Variants in ELP4 observed in about 807,000 individuals in gnomAD.
ELP4 encodes the protein elongator acetyltransferase complex subunit 4, also known as elongator complex protein 4.
Under a neutral mutation model 48.9 loss-of-function variants are expected in ELP4, and 51 were observed. The ratio of observed to expected loss-of-function variants is 1.04; its 90% CI spans 0.83 to 1.32. The LOEUF (loss-of-function observed/expected upper bound fraction) is 1.32, where lower values mean the gene tolerates loss of function less well. Among genes scored for constraint, ELP4 ranks in the 40% most tolerant of loss-of-function variants. ELP4 has a pLI of 0.00. For synonymous variants in ELP4, 210 were observed against 189.2 expected, an observed-to-expected ratio of 1.11 and a Z score of -0.90; for missense variants, 519 against 514.6, an observed-to-expected ratio of 1.01 and a Z score of -0.08.
intron 9 of ELP4, among the ~76,000 whole-genome samples, chr11:31,730,030 G>A (rs1033728244): frequency 5.9e-5 from 9 of 152,140 alleles, no homozygotes; most frequent in African/African-American, 1.9e-4. Flanking sequence ...ACATAGACCA[G>A]TTCCCTTTGT....
intron 3 of ELP4, among the ~76,000 whole-genome samples, chr11:31,541,063 T>C (rs1956583153): frequency 6.6e-6 from 1 of 152,240 alleles, no homozygotes; most frequent in African/African-American, 2.4e-5. Context: ...TTCCATAGGA[T>C]ATTTTAATTT....
intron 3 of ELP4, among the ~76,000 whole-genome samples, chr11:31,543,299 T>TTTG (rs900296609): frequency 1.2e-4 from 19 of 152,020 alleles, no homozygotes; most frequent in Non-Finnish European, 2.4e-4. Flanking sequence ...AACTCCAAGT[T>TTTG]TTGTTGTTGT....
At chr11:31,521,653 A>G (rs1458332283) in intron 2 of ELP4, among the ~76,000 whole-genome samples, 1 of 152,146 alleles carries the variant, frequency 6.6e-6, no homozygotes, top group African/African-American at 2.4e-5. Context: ...TTCATGCACA[A>G]TAAGGATCAA....
intron 1 of ELP4, chr11:31,512,218 A>G (rs1185837402): frequency 6.6e-6 from 1 of 152,216 alleles, no homozygotes; most frequent in Non-Finnish European, 1.5e-5. Context: ...TTAGAACGGT[A>G]AAACTATACT....
At chr11:31,563,735 CTTTTTG>C (rs1427048979) in intron 3 of ELP4, among the ~76,000 whole-genome samples, 10 of 152,158 alleles carry the variant, frequency 6.6e-5, no homozygotes, top group Non-Finnish European at 1.3e-4. Context: ...ATGGAGTCTG[CTTTTTG>C]TTTTTATTTA....
At chr11:31,556,800 G>A (rs1449023731) in intron 3 of ELP4, among the ~76,000 whole-genome samples, 1 of 151,830 alleles carries the variant, frequency 6.6e-6, no homozygotes, top group East Asian at 1.9e-4. Flanking sequence ...TAGGAGGCTA[G>A]GGTGCTTTAA....
chr11:31,554,707 G>T (rs559037139), intron 3 of ELP4, among the ~76,000 whole-genome samples: 1 of 152,042 alleles, frequency 6.6e-6, no homozygotes, highest in Non-Finnish European at 1.5e-5. Flanking sequence ...AAGTTTTATA[G>T]CCTTTGACAA....
chr11:31,734,867 T>G (rs2134207564), intron 9 of ELP4, among the ~76,000 whole-genome samples: 1 of 152,186 alleles, frequency 6.6e-6, no homozygotes, highest in Non-Finnish European at 1.5e-5. Flanking sequence ...AATCTAAAAT[T>G]CATATGGAAT....
chr11:31,610,254 G>C (rs922286818), intron 5 of ELP4, among the ~76,000 whole-genome samples: 1 of 152,218 alleles, frequency 6.6e-6, no homozygotes, highest in Non-Finnish European at 1.5e-5. Flanking sequence ...TTAGCTGCTA[G>C]TGATACAATT....
Position 31,790,285 on chromosome 11 carries a change from G to C in ELP4, c.*6761G>C. ...GAAAAAAAAAATCCTCTGTTTGTTT[G>C]CATGTTTGGAACTTTTACAATAAAG... On this transcript the variant is annotated 3_prime_UTR_variant, in exon 10 of 10. Transcript: ENST00000640961. 1.8e-6 allele frequency: 1 copy of C among 564,078 alleles called. No individual in the cohort carries two copies. Among genetic ancestry groups the C allele is most frequent in the Admixed American group, 3.9e-5 (1 of 25,356 alleles). The allele number at this position is 564,078 out of a possible 1,614,324, so 34.9% of individuals were successfully genotyped here.
chr11:31,763,460 G>T (rs1249669075), intron 9 of ELP4: 1 of 1,610,240 alleles, frequency 6.2e-7, no homozygotes, highest in Non-Finnish European at 8.5e-7. Flanking sequence ...TATCCTCCAG[G>T]CTTCTCATAC....
At chr11:31,623,377 AT>A (rs1565084193) in intron 5 of ELP4, among the ~76,000 whole-genome samples, 13 of 115,926 alleles carry the variant, frequency 1.1e-4, no homozygotes, top group South Asian at 6.0e-4. Flanking sequence ...ATATATATAT[AT>A]ATATATATAT....
intron 9 of ELP4, among the ~76,000 whole-genome samples, chr11:31,738,025 G>A (rs2134213283): frequency 6.6e-6 from 1 of 152,114 alleles, no homozygotes; most frequent in South Asian, 2.1e-4. Flanking sequence ...ATAGCCAAGA[G>A]GTGAGAGGAA....
Position 31,787,547 on chromosome 11 carries a change from C to T in ELP4, c.*4023C>T. On this transcript the variant is annotated 3_prime_UTR_variant, in exon 10 of 10. Transcript: ENST00000640961. Reference sequence around the variant, plus strand: ...CTCTGACAGTTCCCTCAGCACACAGCCCTCAGGGAATGTAGGCTGCAAAAT... The same window carrying T: ...CTCTGACAGTTCCCTCAGCACACAGTCCTCAGGGAATGTAGGCTGCAAAAT... 8.6e-6 allele frequency: 2 copies of T among 232,880 alleles called. No individual in the cohort carries two copies. The highest frequency in any genetic ancestry group is 1.7e-5 in the Non-Finnish European group (2 of 117,792). The allele number at this position is 232,880 out of a possible 1,614,324, so 14.4% of individuals were successfully genotyped here. A position where few individuals can be genotyped will look rare whatever the true frequency, so the allele number is the denominator to read the frequency against.
At position 31,784,612 on chromosome 11, in the gene ELP4, A is replaced by G. The variant is rs1440934188; in HGVS notation, c.*1088A>G. On this transcript the variant is annotated 3_prime_UTR_variant, in exon 10 of 10. Coordinates refer to ENST00000640961, the MANE Select transcript of ELP4 (RefSeq NM_019040.5). Reference sequence around the variant, plus strand: ...ATTTCCAAAATACATTTTCAAATGTATTTAATATTTTGAAGCAGTTATAAC... The same window carrying G: ...ATTTCCAAAATACATTTTCAAATGTGTTTAATATTTTGAAGCAGTTATAAC... The G allele has an allele frequency of 6.5e-6, 1 of 153,354 alleles. No homozygotes were observed. Among genetic ancestry groups the G allele is most frequent in the Non-Finnish European group, 1.5e-5 (1 of 68,624 alleles). The allele number at this position is 153,354 out of a possible 1,614,324, so 9.5% of individuals were successfully genotyped here.
chr11:31,702,182 T>C (rs1262313722), intron 9 of ELP4, among the ~76,000 whole-genome samples: 1 of 152,052 alleles, frequency 6.6e-6, no homozygotes, highest in Non-Finnish European at 1.5e-5. Flanking sequence ...GCCACACACC[T>C]GACCCAGCTA....
rs536340880 is a variant in ELP4, at chr11:31,752,349, G to A, written c.1144-31044G>A. On this transcript the variant is annotated intron_variant, in intron 9 of 9. Coordinates refer to ENST00000640961, the MANE Select transcript of ELP4 (RefSeq NM_019040.5). ...ATCCTGATAAAGGGTCACCATCAGGGACAAAGAAAATATATTTTTCTTAGT... is the reference window on the plus strand; with the variant it reads ...ATCCTGATAAAGGGTCACCATCAGGAACAAAGAAAATATATTTTTCTTAGT... 7.9e-5 allele frequency among the ~76,000 whole-genome samples: 12 copies of A among 152,192 alleles called. No homozygotes were observed. In the East Asian group the frequency reaches 2.3e-3, roughly 29 times the overall value.
chr11:31,747,731 A>G (rs931121889), intron 9 of ELP4, among the ~76,000 whole-genome samples: 10 of 152,354 alleles, frequency 6.6e-5, no homozygotes, highest in African/African-American at 2.2e-4. Flanking sequence ...GGTTTTAAAT[A>G]TGACTCCAAA....
At chr11:31,571,927 G>T (rs565484302) in intron 3 of ELP4, among the ~76,000 whole-genome samples, 1 of 152,284 alleles carries the variant, frequency 6.6e-6, no homozygotes, top group East Asian at 1.9e-4. Flanking sequence ...AAGCAGAGTA[G>T]ATTTAGCATA....
Sources: allele counts gnomAD v4.1 joint callset (sites outside exome capture counted in the v4.1 genomes callset), GRCh38; gene constraint gnomAD v4.1.1; transcripts MANE v1.5; gene names NCBI Gene and HGNC (gene_info 2026-07-23, HGNC 2026-07-21).